The following FHIT variants were observed in gnomAD, a reference collection of about 807,000 sequenced individuals.
FHIT encodes the protein fragile histidine triad diadenosine triphosphatase, also known as bis(5'-adenosyl)-triphosphatase.
FHIT carries 19 observed loss-of-function variants against 17.9 expected under a neutral mutation model. The observed-to-expected ratio is 1.06, with a 90% confidence interval of 0.74 to 1.56. The LOEUF is 1.56. Ranked by LOEUF, FHIT falls within the 40% of genes most tolerant of loss-of-function variation. The pLI, the probability that FHIT is intolerant of heterozygous loss-of-function variation, is 0.00. For synonymous variants in FHIT, 81 were observed against 69.7 expected (o/e 1.16, Z -0.81); for missense variants, 248 against 189.2 (o/e 1.31, Z -1.82).
chr3:61,043,314 C>T (rs56743334), intron 2 of FHIT, among the ~76,000 whole-genome samples: 1 of 151,446 alleles, frequency 6.6e-6, no homozygotes, highest in African/African-American at 2.4e-5. Context: ...TATCCCGCGC[C>T]TAGCTCGGAG....
intron 3 of FHIT, among the ~76,000 whole-genome samples, chr3:60,867,543 C>T (rs547371774): frequency 6.6e-6 from 1 of 152,290 alleles, no homozygotes; most frequent in Admixed American, 6.5e-5. Flanking sequence ...GATACTATTA[C>T]AGATACTACT....
chr3:60,208,238 C>G (rs1235915154), intron 5 of FHIT, among the ~76,000 whole-genome samples: 1 of 152,184 alleles, frequency 6.6e-6, no homozygotes, highest in African/African-American at 2.4e-5. Flanking sequence ...ACAGGCAACA[C>G]TTTAACCTTA....
intron 7 of FHIT, among the ~76,000 whole-genome samples, chr3:59,963,253 C>T (rs1237406921): frequency 1.3e-5 from 2 of 151,390 alleles, no homozygotes; most frequent in African/African-American, 2.4e-5. Context: ...GGTGACAGAG[C>T]GAGACTCCAT....
At chr3:60,169,480 T>C (rs1701322945) in intron 5 of FHIT, among the ~76,000 whole-genome samples, 1 of 152,214 alleles carries the variant, frequency 6.6e-6, no homozygotes, top group Non-Finnish European at 1.5e-5. Context: ...AAAAACCATC[T>C]TTTGGTGATA....
At chr3:60,577,040 A>G (rs2037592405) in intron 4 of FHIT, among the ~76,000 whole-genome samples, 1 of 152,094 alleles carries the variant, frequency 6.6e-6, no homozygotes, top group African/African-American at 2.4e-5. Context: ...ACCTTAAAAT[A>G]GAGATCTAAT....
chr3:60,253,608 G>A (rs1410337154), intron 5 of FHIT, among the ~76,000 whole-genome samples: 1 of 152,110 alleles, frequency 6.6e-6, no homozygotes, highest in Non-Finnish European at 1.5e-5. Flanking sequence ...AGACTTCCCA[G>A]GACAGAGATT....
At chr3:60,535,880 T>C (rs1217121719) in intron 5 of FHIT, 1 of 151,958 alleles carries the variant, frequency 6.6e-6, no homozygotes, top group Admixed American at 6.6e-5. Context: ...TCTCAGGCAC[T>C]TTCCACATTT....
At chr3:60,857,432 A>G (rs1285960535) in intron 3 of FHIT, among the ~76,000 whole-genome samples, 2 of 152,154 alleles carry the variant, frequency 1.3e-5, no homozygotes, top group Non-Finnish European at 2.9e-5. Context: ...GTGAGGTGAT[A>G]TAATCCCTCT....
intron 7 of FHIT, among the ~76,000 whole-genome samples, chr3:59,990,434 A>G (rs1709175018): frequency 6.6e-6 from 1 of 152,078 alleles, no homozygotes; most frequent in Non-Finnish European, 1.5e-5. Flanking sequence ...ATACATTTAG[A>G]GAAAGTATAT....
At chr3:61,199,469 G>T (rs1349612239) in intron 2 of FHIT, among the ~76,000 whole-genome samples, 1 of 152,102 alleles carries the variant, frequency 6.6e-6, no homozygotes, top group Non-Finnish European at 1.5e-5. Flanking sequence ...AACAATTATG[G>T]CAAAATTCCA....
At chr3:60,070,648 C>T (rs1414575332) in intron 5 of FHIT, among the ~76,000 whole-genome samples, 1 of 151,708 alleles carries the variant, frequency 6.6e-6, no homozygotes, top group East Asian at 1.9e-4. Context: ...TCCAACTGCT[C>T]AGCTATGTTT....
intron 6 of FHIT, among the ~76,000 whole-genome samples, chr3:60,012,325 G>C (rs1700174972): frequency 6.9e-6 from 1 of 144,818 alleles, no homozygotes; most frequent in Non-Finnish European, 1.5e-5. Flanking sequence ...CCAGAGTATG[G>C]TGGCATGATG....
chr3:60,893,343 C>G (rs1553761112), intron 3 of FHIT, among the ~76,000 whole-genome samples: 1 of 152,164 alleles, frequency 6.6e-6, no homozygotes. Flanking sequence ...TATGAATGCT[C>G]TAGTGACACA....
intron 3 of FHIT, among the ~76,000 whole-genome samples, chr3:61,031,226 G>A (rs976944772): frequency 2.6e-5 from 4 of 152,182 alleles, no homozygotes; most frequent in Non-Finnish European, 4.4e-5. Flanking sequence ...ACCATGAGAA[G>A]CTTGTTAATG....
intron 4 of FHIT, among the ~76,000 whole-genome samples, chr3:60,682,817 CTGGGCAAAGTA>C (rs1553697270): frequency 6.6e-6 from 1 of 152,156 alleles, no homozygotes; most frequent in East Asian, 1.9e-4. Flanking sequence ...TCAGATTGAT[CTGGGCAAAGTA>C]AAATGAAAAC....
intron 2 of FHIT, among the ~76,000 whole-genome samples, chr3:61,127,124 C>T (rs953686467): frequency 1.2e-4 from 19 of 152,276 alleles, no homozygotes; most frequent in East Asian, 1.9e-4. Context: ...CCCCAACTTA[C>T]GCTGTAACAG....
intron 5 of FHIT, among the ~76,000 whole-genome samples, chr3:60,514,259 G>C (rs185449575): frequency 5.9e-5 from 9 of 152,366 alleles, no homozygotes; most frequent in African/African-American, 1.9e-4. Context: ...GGATGGCAAG[G>C]CTAAAAGAGC....
At chr3:60,550,761 A>G (rs74651939) in intron 4 of FHIT, among the ~76,000 whole-genome samples, 75 of 152,298 alleles carry the variant, frequency 4.9e-4, no homozygotes, top group Non-Finnish European at 8.8e-4. Flanking sequence ...TTTAATAAAT[A>G]TGTATTATAT....
chr3:60,038,534 T>C (rs980326864), intron 5 of FHIT, among the ~76,000 whole-genome samples: 21 of 152,354 alleles, frequency 1.4e-4, no homozygotes, highest in African/African-American at 3.4e-4. Flanking sequence ...TGTCTCAATA[T>C]GCATGAAACG....
Sources: allele counts gnomAD v4.1 joint callset (sites outside exome capture counted in the v4.1 genomes callset), GRCh38; gene constraint gnomAD v4.1.1; transcripts MANE v1.5; gene names NCBI Gene and HGNC (gene_info 2026-07-23, HGNC 2026-07-21).